FAF1: variants seen among roughly 807,000 people sequenced by gnomAD.
FAF1 encodes Fas associated factor 1, also known as FAS-associated factor 1.
FAF1 carries 25 observed loss-of-function variants against 92.5 expected under a neutral mutation model. That is an observed-to-expected ratio of 0.27 (90% confidence interval 0.20 to 0.38). FAF1 has a LOEUF of 0.38. Ranked by LOEUF, FAF1 falls within the 10% of genes least tolerant of loss-of-function variation. The probability of loss-of-function intolerance (pLI) is 1.00; values close to 1 mark genes in which losing one functional copy is unlikely to be tolerated. For missense variants in FAF1, 636 were observed against 793.3 expected (o/e 0.80, Z 2.38); for synonymous variants, 234 against 273.2 (o/e 0.86, Z 1.42).
chr1:50,894,987 G>A (rs974563906), intron 1 of FAF1, among the ~76,000 whole-genome samples: 13 of 151,810 alleles, frequency 8.6e-5, no homozygotes, highest in Non-Finnish European at 1.5e-4. Flanking sequence ...AAAAATAAAC[G>A]CAAACCAAGC....
chr1:50,501,991 T>C (rs757728925), intron 15 of FAF1, among the ~76,000 whole-genome samples: 3 of 152,164 alleles, frequency 2.0e-5, no homozygotes, highest in Admixed American at 6.5e-5. Flanking sequence ...ATTCAAAAAA[T>C]TGTGAAAAAT....
At chr1:50,797,073 T>C (rs774772433) in intron 3 of FAF1, among the ~76,000 whole-genome samples, 9 of 151,136 alleles carry the variant, frequency 6.0e-5, no homozygotes, top group Non-Finnish European at 1.2e-4. Flanking sequence ...GAGGTAGAGG[T>C]TGCAGTGAGC....
intron 7 of FAF1, among the ~76,000 whole-genome samples, chr1:50,676,082 A>G (rs1051766670): frequency 3.9e-5 from 6 of 152,208 alleles, no homozygotes; most frequent in African/African-American, 1.4e-4. Context: ...CCAAGTCTTA[A>G]TGTTTGGAAA....
chr1:50,725,902 C>CA (rs1243634144), intron 6 of FAF1, among the ~76,000 whole-genome samples: 1 of 152,028 alleles, frequency 6.6e-6, no homozygotes, highest in Admixed American at 6.6e-5. Context: ...CCACAGAAGA[C>CA]AGTGATATGC....
chr1:50,528,110 C>T (rs1458644412), intron 15 of FAF1, among the ~76,000 whole-genome samples: 1 of 151,986 alleles, frequency 6.6e-6, no homozygotes, highest in Non-Finnish European at 1.5e-5. Flanking sequence ...TCAAGTGATC[C>T]TCCTACCTCA....
intron 2 of FAF1, among the ~76,000 whole-genome samples, chr1:50,853,662 G>A (rs983654806): frequency 1.3e-5 from 2 of 151,876 alleles, no homozygotes; most frequent in Admixed American, 1.3e-4. Context: ...CTTAACATTG[G>A]GTTATCAAGT....
At chr1:50,863,135 T>A (rs114540602) in intron 1 of FAF1, among the ~76,000 whole-genome samples, 3,325 of 152,080 alleles carry the variant, frequency 0.022, 56 homozygotes, top group Non-Finnish European at 0.034. Context: ...TTCCAATCAA[T>A]TTAAGAAAAT....
intron 8 of FAF1, among the ~76,000 whole-genome samples, chr1:50,641,698 T>C (rs952614014): frequency 6.6e-6 from 1 of 152,144 alleles, no homozygotes; most frequent in Admixed American, 6.5e-5. Flanking sequence ...TTAGGCAAAG[T>C]TGATTAATCA....
rs141513680 is a variant in FAF1, at chr1:50,810,241, G to A, written c.115-8564C>T. 5.7e-3 allele frequency among the ~76,000 whole-genome samples: 869 copies of A among 152,176 alleles called. 3 individuals are homozygous for A. Among genetic ancestry groups the A allele is most frequent in the Middle Eastern group, 0.017 (5 of 294 alleles). ...TTGCACTCCAGCCTGGGCAACAAGA[G>A]CGAGACTCTGTCTCAAAACTAAAAA... On this transcript the variant is annotated intron_variant, in intron 2 of 18. Transcript: ENST00000396153.
At chr1:50,501,092 A>G (rs920684516) in intron 15 of FAF1, among the ~76,000 whole-genome samples, 7 of 152,214 alleles carry the variant, frequency 4.6e-5, no homozygotes, top group Admixed American at 1.3e-4. Context: ...TGAAAAAGAA[A>G]GTCATAGTGA....
intron 12 of FAF1, among the ~76,000 whole-genome samples, chr1:50,578,082 A>G (rs1454216404): frequency 1.3e-5 from 2 of 152,184 alleles, no homozygotes; most frequent in African/African-American, 4.8e-5. Context: ...AGCTCCCCAA[A>G]TCCTTTGTAA....
intron 8 of FAF1, among the ~76,000 whole-genome samples, chr1:50,635,420 GGTT>G (rs1557447047): frequency 6.6e-6 from 1 of 152,080 alleles, no homozygotes; most frequent in Non-Finnish European, 1.5e-5. Context: ...AGAGTAATCT[GGTT>G]GTTGTTTTGT....
chr1:50,788,193 A>G lies in FAF1; in HGVS notation c.174T>C (p.Gly58=). The change falls in exon 4 of 19, where the codon GGT becomes GGC. Residue 58 remains glycine (G), a synonymous_variant. Coordinates refer to ENST00000396153, the MANE Select transcript of FAF1 (RefSeq NM_007051.3). ...ENGILQSEYG[G]ETIPGPAFNP... is the part of the protein sequence containing the mutation. ...TAAATGCAGGTCCTGGTATGGTCTC[A>G]CCTCCATATTCACTAAAATGTTGAC... 1 of 1,613,456 alleles carries G rather than the reference A, an allele frequency of 6.2e-7. No individual in the cohort carries two copies. The highest frequency in any genetic ancestry group is 8.5e-7 in the Non-Finnish European group (1 of 1,179,416).
At chr1:50,762,054 CAGAG>C (rs1255356432) in intron 4 of FAF1, among the ~76,000 whole-genome samples, 1 of 152,108 alleles carries the variant, frequency 6.6e-6, no homozygotes, top group Non-Finnish European at 1.5e-5. Context: ...AACAGACAAA[CAGAG>C]AGCCAAATCA....
intron 18 of FAF1, chr1:50,470,686 A>G (rs891113886): frequency 6.6e-6 from 1 of 152,240 alleles, no homozygotes. Flanking sequence ...TTCACTTAAT[A>G]TAACGCTTAC....
At chr1:50,622,687 A>C (rs1321383909) in intron 8 of FAF1, among the ~76,000 whole-genome samples, 1 of 152,084 alleles carries the variant, frequency 6.6e-6, no homozygotes, top group Non-Finnish European at 1.5e-5. Context: ...GAAATCTTGG[A>C]CTTGGGGGTG....
chr1:50,756,650 G>A (rs1660087127), intron 4 of FAF1, among the ~76,000 whole-genome samples: 1 of 152,202 alleles, frequency 6.6e-6, no homozygotes, highest in Non-Finnish European at 1.5e-5. Context: ...ACCTGAGACT[G>A]GGTAATTTAT....
chr1:50,714,949 G>A, intron 6 of FAF1: 1 of 394,750 alleles, frequency 2.5e-6, no homozygotes. Context: ...AATTTGAAGA[G>A]AAAATGTATT....
chr1:50,625,807 C>T (rs1653472045), intron 8 of FAF1, among the ~76,000 whole-genome samples: 1 of 151,994 alleles, frequency 6.6e-6, no homozygotes, highest in Non-Finnish European at 1.5e-5. Flanking sequence ...ATCTTGTAGG[C>T]AACGGGAAAC....
Sources: gnomAD v4.1 joint callset for allele counts (sites outside exome capture counted in the v4.1 genomes callset) on GRCh38, gnomAD v4.1.1 for gene constraint, MANE v1.5 for transcripts, NCBI Gene and HGNC (gene_info 2026-07-23, HGNC 2026-07-21) for gene names.